Variants in TMLHE observed in about 807,000 individuals in gnomAD.
TMLHE encodes the protein trimethyllysine hydroxylase, epsilon.
Under a neutral mutation model 25.7 loss-of-function variants are expected in TMLHE, and 18 were observed. That is an observed-to-expected ratio of 0.70 (90% CI 0.48 to 1.04). TMLHE has a LOEUF of 1.04. Among genes scored for constraint, TMLHE ranks in the 50% least tolerant of loss-of-function variants. TMLHE has a pLI of 0.00. For missense variants in TMLHE, 236 were observed against 259.0 expected (o/e 0.91, Z 0.61); for synonymous variants, 105 against 97.0 (o/e 1.08, Z -0.49).
In TMLHE at chrX:155,507,034, C is replaced by T. The variant is rs200416262; in HGVS notation, c.859G>A (p.Glu287Lys). The T allele has an allele frequency of 5.4e-5, 65 of 1,208,065 alleles. No individual in the cohort carries two copies. Among genetic ancestry groups the T allele is most frequent in the Middle Eastern group, 4.6e-4 (2 of 4,342 alleles). The change falls in exon 6 of 8, where the codon GAG becomes AAG. Residue 287 changes from glutamate to lysine, a missense_variant. Glu to Lys is a moderately conservative substitution (Grantham distance 56). Transcript: ENST00000334398. Reference protein sequence around the residue: ...AAEQVLQKAPEEFELLSKVPL... With the variant: ...AAEQVLQKAPKEFELLSKVPL... The stretch of plus-strand genomic sequence containing the variant: ...ACTTTACTGAGGAGTTCAAATTCCT[C>T]AGGTGCCTTTTGAAGTACCTGTTCT...
intron 1 of TMLHE, among the ~76,000 whole-genome samples, chrX:155,603,101 G>A (rs915480356): frequency 6.3e-5 from 7 of 111,873 alleles, no homozygotes; most frequent in East Asian, 2.8e-4. Flanking sequence ...GGCCAAGGCA[G>A]GAGGATAGCT....
In TMLHE at chrX:155,567,332, C is replaced by G. The variant is rs1201879571; in HGVS notation, c.-1-22055G>C. On this transcript the variant is annotated intron_variant, in intron 1 of 7. Transcript: ENST00000334398. ...CAGTTACATCTGAACATAATGACTG[C>G]ATTAGGAATTGAAATAAAAACAATT... 3.4e-4 allele frequency among the ~76,000 whole-genome samples: 21 copies of G among 62,610 alleles called. 10 individuals are homozygous for G. Among genetic ancestry groups the G allele is most frequent in the Admixed American group, 3.2e-3 (17 of 5,347 alleles). The allele number at this position is 62,610 out of a possible 115,157, so 54.4% of individuals were successfully genotyped here.
At chrX:155,606,022 G>T (rs1209475872) in intron 1 of TMLHE, among the ~76,000 whole-genome samples, 1 of 111,886 alleles carries the variant, frequency 8.9e-6, no homozygotes, top group African/African-American at 3.3e-5. Context: ...CATTACAAAT[G>T]GTAAAGAGTC....
chrX:155,588,144 A>G (rs2067675245), intron 1 of TMLHE, among the ~76,000 whole-genome samples: 1 of 112,242 alleles, frequency 8.9e-6, no homozygotes, highest in South Asian at 3.7e-4. Flanking sequence ...TTGGTATAAA[A>G]ACAGATGACA....
intron 5 of TMLHE, among the ~76,000 whole-genome samples, chrX:155,508,991 A>G (rs969302063): frequency 9.0e-6 from 1 of 111,133 alleles, no homozygotes. Context: ...AGAAGGAGTC[A>G]ATAGGTATGG....
rs1285719874 is a variant in TMLHE, at chrX:155,491,804, A to C, written c.1135-138T>G. 1.3e-4 allele frequency: 8 copies of C among 61,830 alleles called. No individual in the cohort carries two copies. In the East Asian group the frequency reaches 3.4e-3, roughly 26 times the overall value. 5.1% of individuals were successfully genotyped at this position (61,830 alleles called of 1,213,427 possible). On this transcript the variant is annotated intron_variant, in intron 7 of 7. Coordinates refer to ENST00000334398, the MANE Select transcript of TMLHE (RefSeq NM_018196.4). Reference sequence around the variant, plus strand: ...GTTTTCTGGTTGCATTAAATGAGATATTTTTCTTTTGAAATTAAACAAACT... The same window carrying C: ...GTTTTCTGGTTGCATTAAATGAGATCTTTTTCTTTTGAAATTAAACAAACT...
At chrX:155,524,669 G>C in intron 2 of TMLHE, 37 bp from the exon 3 acceptor site, 2 of 1,100,381 alleles carry the variant, frequency 1.8e-6, no homozygotes, top group African/African-American at 1.8e-5. Flanking sequence ...ACTATTTATT[G>C]AGATAACTTT....
rs150693988 is a variant in TMLHE at position 155,513,151 on chromosome X, T to A, written c.638+835A>T. Among the ~76,000 whole-genome samples, 769 of 111,619 alleles carry A rather than the reference T, an allele frequency of 6.9e-3. 6 individuals are homozygous for A. Among genetic ancestry groups the A allele is most frequent in the African/African-American group, 0.024 (730 of 30,737 alleles). On this transcript the variant is annotated intron_variant, in intron 4 of 7. Coordinates refer to ENST00000334398, the MANE Select transcript of TMLHE (RefSeq NM_018196.4). ...GCACAGGGAAGAAGACCCAGCATAC[T>A]ATCTACTACAAAATGAGCTATATCT...
At chrX:155,583,568 T>C (rs2067646025) in intron 1 of TMLHE, among the ~76,000 whole-genome samples, 1 of 108,517 alleles carries the variant, frequency 9.2e-6, no homozygotes, top group Non-Finnish European at 1.9e-5. Flanking sequence ...TTAACCTGAA[T>C]GTCCGTTAAT....
At chrX:155,608,366 C>G (rs782611831) in intron 1 of TMLHE, among the ~76,000 whole-genome samples, 41 of 20,147 alleles carry the variant, frequency 2.0e-3, no homozygotes, top group Admixed American at 4.4e-3. Flanking sequence ...AGATAGAAAC[C>G]AGAAGGCGTC....
chrX:155,567,470 T>C lies in TMLHE; in HGVS notation c.-1-22193A>G, dbSNP rs181167402. ...AAACAAGCTATCCAATTAAAAAAAA[T>C]AAATCACCCATAATAGATACCTAAA... On this transcript the variant is annotated intron_variant, in intron 1 of 7. Transcript: ENST00000334398. Among the ~76,000 whole-genome samples, 233 of 61,536 alleles carry C rather than the reference T, an allele frequency of 3.8e-3. 27 individuals are homozygous for C. Among genetic ancestry groups the C allele is most frequent in the African/African-American group, 8.0e-3 (221 of 27,784 alleles). 53.4% of individuals were successfully genotyped at this position (61,536 alleles called of 115,157 possible).
chrX:155,548,519 A>C (rs1256309275), intron 1 of TMLHE, among the ~76,000 whole-genome samples: 1 of 110,090 alleles, frequency 9.1e-6, no homozygotes, highest in Non-Finnish European at 1.9e-5. Context: ...GCGGATCACA[A>C]GGTCAGCAGT....
intron 2 of TMLHE, among the ~76,000 whole-genome samples, chrX:155,529,661 C>G (rs2067238719): frequency 8.9e-6 from 1 of 111,959 alleles, no homozygotes; most frequent in African/African-American, 3.2e-5. Context: ...GGGGAAATGT[C>G]TATTCAGATC....
chrX:155,538,483 G>T (rs2067292886), intron 2 of TMLHE, among the ~76,000 whole-genome samples: 1 of 111,237 alleles, frequency 9.0e-6, no homozygotes, highest in African/African-American at 3.3e-5. Flanking sequence ...AATAATTCTT[G>T]CATAATTTCC....
intron 2 of TMLHE, among the ~76,000 whole-genome samples, chrX:155,526,250 C>A (rs1557336449): frequency 8.9e-6 from 1 of 112,816 alleles, no homozygotes; most frequent in African/African-American, 3.2e-5. Context: ...GCCCCCATGT[C>A]CTTTGGCTCT....
intron 2 of TMLHE, among the ~76,000 whole-genome samples, chrX:155,533,228 G>A (rs782268332): frequency 9.0e-6 from 1 of 111,720 alleles, no homozygotes; most frequent in East Asian, 2.8e-4. Flanking sequence ...GGTTCTCCTG[G>A]TTCTTAGGCC....
intron 1 of TMLHE, among the ~76,000 whole-genome samples, chrX:155,580,682 C>A (rs999654512): frequency 9.0e-6 from 1 of 111,702 alleles, no homozygotes; most frequent in Admixed American, 9.5e-5. Context: ...GTGAAAGACA[C>A]ATCTCATGTG....
At chrX:155,505,639 C>G (rs1257106059) in intron 6 of TMLHE, among the ~76,000 whole-genome samples, 4 of 111,359 alleles carry the variant, frequency 3.6e-5, no homozygotes, top group Non-Finnish European at 5.7e-5. Context: ...TTCACCCTGC[C>G]TCTTCACCCC....
At chrX:155,592,820 C>A (rs1399291044) in intron 1 of TMLHE, among the ~76,000 whole-genome samples, 1 of 112,233 alleles carries the variant, frequency 8.9e-6, no homozygotes, top group Non-Finnish European at 1.9e-5. Context: ...ATAGCCCACC[C>A]ACAAAGTAGA....
Sources: gnomAD v4.1 joint callset for allele counts (sites outside exome capture counted in the v4.1 genomes callset) on GRCh38, gnomAD v4.1.1 for gene constraint, MANE v1.5 for transcripts, NCBI Gene and HGNC (gene_info 2026-07-23, HGNC 2026-07-21) for gene names.